The following SLC26A9 variants were observed in gnomAD, a reference collection of about 807,000 sequenced individuals.
SLC26A9 encodes the protein anion transporter/exchanger protein 9.
In SLC26A9, 46 loss-of-function variants were observed where a neutral mutation model predicts 87.1. The ratio of observed to expected loss-of-function variants is 0.53; its 90% CI spans 0.42 to 0.67. SLC26A9 has a LOEUF of 0.67. Ranked by LOEUF, SLC26A9 falls within the 30% of genes least tolerant of loss-of-function variation. The pLI, the probability that SLC26A9 is intolerant of heterozygous loss-of-function variation, is 0.00. For synonymous variants in SLC26A9, 437 were observed against 409.1 expected, an observed-to-expected ratio of 1.07 and a Z score of -0.82; for missense variants, 927 against 1,018.3, an observed-to-expected ratio of 0.91 and a Z score of 1.22.
intron 14 of SLC26A9, 27 bp downstream of exon 14, chr1:205,923,517 A>G: frequency 6.2e-7 from 1 of 1,614,182 alleles, no homozygotes; most frequent in Non-Finnish European, 8.5e-7. Flanking sequence ...GAGCAAAAGA[A>G]GGAGGTCATA....
chr1:205,934,883 G>A (rs1302145070), intron 2 of SLC26A9, among the ~76,000 whole-genome samples: 1 of 152,176 alleles, frequency 6.6e-6, no homozygotes, highest in African/African-American at 2.4e-5. Flanking sequence ...AACTCAAGTG[G>A]GTGATTCCCC....
chr1:205,930,320 C>T (rs886327873), intron 5 of SLC26A9: 55 of 309,894 alleles, frequency 1.8e-4, no homozygotes, highest in African/African-American at 1.1e-3. Flanking sequence ...AAGTCTAGTC[C>T]TCCCCCAGTG....
chr1:205,923,998 T>C (rs1038773182), intron 13 of SLC26A9, among the ~76,000 whole-genome samples: 3 of 152,214 alleles, frequency 2.0e-5, no homozygotes, highest in Admixed American at 6.5e-5. Flanking sequence ...TCCCAGTGTG[T>C]AGAACACAGC....
At position 205,929,372 on chromosome 1, in the gene SLC26A9, T is replaced by C. The variant is rs1649152302; in HGVS notation, c.718-16A>G. ...CAATGAAGGTCTGGGGGAAAGAGCA[T>C]CATGCTCACAGGCTCCCACCCCTTC... is the stretch of plus-strand genomic sequence containing the variant. On this transcript the variant is annotated splice_polypyrimidine_tract_variant and intron_variant, in intron 6 of 20. Transcript: ENST00000367135. The C allele has an allele frequency of 6.8e-6, 11 of 1,612,552 alleles. No individual in the cohort carries two copies. Among genetic ancestry groups the C allele is most frequent in the Non-Finnish European group, 9.3e-6 (11 of 1,178,870 alleles).
chr1:205,924,530 A>G (rs550936057), intron 12 of SLC26A9, 41 bp from the exon 13 acceptor site: 11 of 1,590,122 alleles, frequency 6.9e-6, no homozygotes, highest in African/African-American at 6.7e-5. Flanking sequence ...TGGGGAAAAA[A>G]CAACCTCTTT....
intron 17 of SLC26A9, 86 bp from the exon 18 acceptor site, chr1:205,920,316 G>C: frequency 6.4e-7 from 1 of 1,550,476 alleles, no homozygotes; most frequent in South Asian, 1.1e-5. Context: ...GTACTTCAGA[G>C]GGGAAGCCAA....
Position 205,929,233 on chromosome 1 carries a change from G to T in SLC26A9, c.841C>A (p.Arg281Ser), listed in dbSNP as rs1484731215. The part of the protein sequence containing the change: ...ELNARYMHKI[R>S]FPIPTEMIVV... ...ATCATCTCTGTAGGGATGGGGAAGC[G>T]AATCTTGTGCATGTAGCGAGCATTG... Residue 281 changes from arginine (R) to serine (S), a missense_variant, in exon 7 of 21, where the codon CGC becomes AGC. Arg to Ser is a moderately radical substitution (Grantham distance 110). Transcript: ENST00000367135. 1 of 1,614,168 alleles carries T rather than the reference G, an allele frequency of 6.2e-7. No homozygotes were observed.
Position 205,928,907 on chromosome 1 carries a change from C to G in SLC26A9, c.873G>C (p.Val291=), listed in dbSNP as rs1296572906. The change falls in exon 8 of 21, where the codon GTG becomes GTC. Residue 291 remains valine, a splice_region_variant and synonymous_variant. Coordinates refer to ENST00000367135, the MANE Select transcript of SLC26A9 (RefSeq NM_052934.4). ...CCCCGGAGATAGCTGTTGCCACCAC[C>G]ACCTGCAAACCCCAGAGTGGAGAAT... The part of the protein sequence containing the change: ...RFPIPTEMIV[V]VVATAISGGC... 1.9e-6 allele frequency: 3 copies of G among 1,614,164 alleles called. No individual in the cohort carries two copies. The highest frequency in any genetic ancestry group is 2.2e-5 in the East Asian group (1 of 44,878).
At position 205,918,878 on chromosome 1, in the gene SLC26A9, T is replaced by C. The variant is rs1558118863; in HGVS notation, c.2218A>G (p.Asn740Asp). Residue 740 changes from asparagine to aspartate, a missense_variant, in exon 19 of 21, where the codon AAT becomes GAT. Asn to Asp is a conservative substitution (Grantham distance 23, BLOSUM62 1). Coordinates refer to ENST00000367135, the MANE Select transcript of SLC26A9 (RefSeq NM_052934.4). ...IHDAVLFAQA[N>D]ARDVTPGHNF... ...TGTCCTGGGGTCACGTCTCTAGCAT[T>C]TGCCTGGGCAAAGAGGACTGCGTCA... 2 of 1,614,192 alleles carry C rather than the reference T, an allele frequency of 1.2e-6. No individual in the cohort carries two copies. Among genetic ancestry groups the C allele is most frequent in the Non-Finnish European group, 8.5e-7 (1 of 1,180,008 alleles).
rs771601053 is a variant in SLC26A9 at position 205,915,372 on chromosome 1, G to T, written c.2361C>A (p.Thr787=). 6.2e-7 allele frequency: 1 copy of T among 1,614,030 alleles called. No individual in the cohort carries two copies. The highest frequency in any genetic ancestry group is 1.7e-5 in the Admixed American group (1 of 60,000). The part of the protein sequence containing the change: ...EMFGSMFHAE[T]LTAL Reference sequence around the variant, plus strand: ...GGCTGAGCCCTCACAGGGCGGTCAGGGTCTCTGCGTGAAACATGCTCCCGA... The same window carrying T: ...GGCTGAGCCCTCACAGGGCGGTCAGTGTCTCTGCGTGAAACATGCTCCCGA... The change falls in exon 21 of 21, where the codon ACC becomes ACA. Residue 787 remains threonine (T), a synonymous_variant. Coordinates refer to ENST00000367135, the MANE Select transcript of SLC26A9 (RefSeq NM_052934.4).
At chr1:205,928,337 G>T in intron 8 of SLC26A9, 1 of 468,428 alleles carries the variant, frequency 2.1e-6, no homozygotes, top group Non-Finnish European at 3.9e-6. Context: ...AACCCTGTAT[G>T]CTCACGAGTC....
rs1659237579 is a variant in SLC26A9, at chr1:205,929,926, A to G, written c.683T>C (p.Ile228Thr). The G allele has an allele frequency of 1.2e-6, 2 of 1,611,126 alleles. No homozygotes were observed. The highest frequency in any genetic ancestry group is 1.6e-4 in the Middle Eastern group (1 of 6,074). ...SVLKYIFGLT[I>T]PSYTGPGSIV... The stretch of plus-strand genomic sequence containing the variant: ...GGACCCTGGGCCTGTGTAGGAGGGG[A>G]TGGTCAGTCCGAAGATGTACTTGAG... Residue 228 changes from isoleucine to threonine, a missense_variant, in exon 6 of 21, where the codon ATC (isoleucine) becomes ACC (threonine). Ile to Thr is a moderately conservative substitution (Grantham distance 89, BLOSUM62 -1). Transcript: ENST00000367135.
intron 12 of SLC26A9, 115 bp from the exon 13 acceptor site, chr1:205,924,604 T>C (rs1571738760): frequency 3.9e-6 from 3 of 778,806 alleles, no homozygotes; most frequent in Admixed American, 6.0e-5. Flanking sequence ...GCCTCTCTTC[T>C]CTTTTTTTTC....
chr1:205,932,887 G>A, intron 3 of SLC26A9, 58 bp downstream of exon 3: 1 of 1,608,356 alleles, frequency 6.2e-7, no homozygotes. Context: ...GAGTGGGGAT[G>A]AGGAGAGGAA....
At chr1:205,920,716 T>C (rs1447729453) in intron 17 of SLC26A9, among the ~76,000 whole-genome samples, 1 of 152,180 alleles carries the variant, frequency 6.6e-6, no homozygotes, top group East Asian at 1.9e-4. Flanking sequence ...GCCAGGCTGG[T>C]CTTGAACTCC....
rs777070023 is a variant in SLC26A9 at position 205,915,251 on chromosome 1, G to A, written c.*106C>T. 1.9e-6 allele frequency: 3 copies of A among 1,599,900 alleles called. No individual in the cohort carries two copies. The highest frequency in any genetic ancestry group is 2.3e-5 in the South Asian group (2 of 88,652). ...AGGAGAGAGGAACCCAAGCTCTGGG[G>A]GATGCACTTTCCTCCGCCCGACACC... On this transcript the variant is annotated 3_prime_UTR_variant, in exon 21 of 21. Coordinates refer to ENST00000367135, the MANE Select transcript of SLC26A9 (RefSeq NM_052934.4).
In SLC26A9 at chr1:205,929,306, G is replaced by A. The variant is rs369756844; in HGVS notation, c.768C>T (p.Leu256=). 217 of 1,614,090 alleles carry A rather than the reference G, an allele frequency of 1.3e-4. No homozygotes were observed. The highest frequency in any genetic ancestry group is 1.2e-4 in the Non-Finnish European group (142 of 1,180,050). ...AGGCACCGCTGATGAGAGCGAAGATGAGCGAGGCGATGTTGGTGTGGGGGA... is the reference window on the plus strand; with the variant it reads ...AGGCACCGCTGATGAGAGCGAAGATAAGCGAGGCGATGTTGGTGTGGGGGA... ...KNLPHTNIAS[L]IFALISGAFL... The change falls in exon 7 of 21, where the codon CTC becomes CTT. Residue 256 remains leucine, a synonymous_variant. Transcript: ENST00000367135.
rs765619255 is a variant in SLC26A9, at chr1:205,914,847, G to C, written c.*510C>G. ...GTGCAGAGCTGCCAGAGACAGAGTTGAGGCAGCTGGGGAAGGCAAGCCAGA... is the reference window on the plus strand; with the variant it reads ...GTGCAGAGCTGCCAGAGACAGAGTTCAGGCAGCTGGGGAAGGCAAGCCAGA... On this transcript the variant is annotated 3_prime_UTR_variant, in exon 21 of 21. Transcript: ENST00000367135. 3.2e-6 allele frequency: 5 copies of C among 1,570,524 alleles called. No individual in the cohort carries two copies. The highest frequency in any genetic ancestry group is 2.2e-5 in the East Asian group (1 of 44,600).
intron 4 of SLC26A9, 121 bp from the exon 5 acceptor site, chr1:205,932,156 T>G: frequency 1.7e-6 from 2 of 1,166,694 alleles, no homozygotes; most frequent in Non-Finnish European, 2.4e-6. Context: ...TCCAAGGCTC[T>G]TCTCCAACAC....
Sources: gnomAD v4.1 joint callset for allele counts (sites outside exome capture counted in the v4.1 genomes callset) on GRCh38, gnomAD v4.1.1 for gene constraint, MANE v1.5 for transcripts, NCBI Gene and HGNC (gene_info 2026-07-23, HGNC 2026-07-21) for gene names.